The following SGCD variants were observed in gnomAD, a reference collection of about 807,000 sequenced individuals.
SGCD encodes sarcoglycan delta.
A neutral mutation model predicts 36.6 loss-of-function variants in SGCD; 18 were observed. The ratio of observed to expected loss-of-function variants is 0.49; its 90% CI spans 0.34 to 0.73. The LOEUF (loss-of-function observed/expected upper bound fraction) is 0.73, where lower values mean the gene tolerates loss of function less well. SGCD is among the 30% of genes least tolerant of loss of function. SGCD has a pLI of 0.01. For missense variants in SGCD, 387 were observed against 346.7 expected (o/e 1.12, Z -0.92); for synonymous variants, 133 against 130.6 (o/e 1.02, Z -0.12).
chr5:155,819,481 C>A, the SGCD span, among the ~76,000 whole-genome samples: 6 of 152,132 alleles, frequency 3.9e-5, no homozygotes, highest in African/African-American at 7.2e-5. Context: ...GTAATAATAA[C>A]AAAAACCACT....
chr5:156,004,821 C>A (rs1345122828), intron 1 of SGCD, among the ~76,000 whole-genome samples: 2 of 152,216 alleles, frequency 1.3e-5, no homozygotes, highest in East Asian at 1.9e-4. Flanking sequence ...TCTAGCCAAA[C>A]TGAATTAATC....
chr5:156,670,872 G>A (rs557337333), intron 7 of SGCD, among the ~76,000 whole-genome samples: 1 of 152,218 alleles, frequency 6.6e-6, no homozygotes, highest in African/African-American at 2.4e-5. Context: ...CTAACTTGAA[G>A]GTAAAATTTC....
intron 6 of SGCD, among the ~76,000 whole-genome samples, chr5:156,608,368 T>G (rs1486068863): frequency 1.3e-5 from 2 of 152,238 alleles, no homozygotes; most frequent in Admixed American, 1.3e-4. Context: ...GTGCGTTTCT[T>G]AATCCTGAGT....
chr5:156,677,572 A>G (rs1753563397), intron 7 of SGCD, among the ~76,000 whole-genome samples: 1 of 152,118 alleles, frequency 6.6e-6, no homozygotes. Context: ...TAGCATTAGG[A>G]GGACTACCTA....
chr5:155,978,166 T>C (rs1758158546), intron 1 of SGCD, among the ~76,000 whole-genome samples: 1 of 152,216 alleles, frequency 6.6e-6, no homozygotes, highest in South Asian at 2.1e-4. Flanking sequence ...GACCAGAATG[T>C]GGCATAGCCC....
intron 4 of SGCD, among the ~76,000 whole-genome samples, chr5:156,528,688 G>T (rs1354010322): frequency 6.6e-6 from 1 of 152,188 alleles, no homozygotes; most frequent in African/African-American, 2.4e-5. Context: ...CTAAGAGAGG[G>T]CTAAAGGTAA....
At chr5:156,499,092 G>A (rs1186351983) in intron 3 of SGCD, among the ~76,000 whole-genome samples, 1 of 152,100 alleles carries the variant, frequency 6.6e-6, no homozygotes, top group Non-Finnish European at 1.5e-5. Context: ...AGTGTAGCAT[G>A]GCATGTGATG....
intron 3 of SGCD, among the ~76,000 whole-genome samples, chr5:156,269,105 AG>A (rs1237340984): frequency 2.0e-5 from 3 of 152,048 alleles, no homozygotes; most frequent in African/African-American, 7.2e-5. Context: ...GGGAGGTAAA[AG>A]GCACTTCTTA....
chr5:156,144,837 T>C (rs186802029), intron 3 of SGCD, among the ~76,000 whole-genome samples: 4 of 152,226 alleles, frequency 2.6e-5, no homozygotes, highest in Non-Finnish European at 4.4e-5. Context: ...GTACCCTCAC[T>C]GTATCTTGGA....
rs544132920 is a variant in SGCD at position 155,885,771 on chromosome 5, CACCATAAATCTTCAA to C, written c.-282+15353_-282+15367del. Among the ~76,000 whole-genome samples, 635 of 152,330 alleles carry C rather than the reference CACCATAAATCTTCAA, an allele frequency of 4.2e-3. 3 individuals carry two copies. The highest frequency in any genetic ancestry group is 0.015 in the African/African-American group (606 of 41,572). ...CATCTCAATTATCCATCACAAATAA[CACCATAAATCTTCAA>C]ACCATGTATTCCAAACATGAATACA... is the stretch of plus-strand genomic sequence containing the variant. On this transcript the variant is annotated intron_variant, in intron 1 of 9. Transcript: ENST00000517913.
chr5:155,804,892 G>A, the SGCD span, among the ~76,000 whole-genome samples: 39 of 152,234 alleles, frequency 2.6e-4, no homozygotes, highest in African/African-American at 8.9e-4. Flanking sequence ...TTGAACATAG[G>A]TGTTGCCTGT....
intron 1 of SGCD, among the ~76,000 whole-genome samples, chr5:155,993,279 G>A (rs2127565370): frequency 6.6e-6 from 1 of 151,162 alleles, no homozygotes; most frequent in Non-Finnish European, 1.5e-5. Context: ...CTTCCTTCAT[G>A]ACAGTCATTC....
the SGCD span, among the ~76,000 whole-genome samples, chr5:155,837,865 C>T: frequency 1.3e-5 from 2 of 152,294 alleles, no homozygotes; most frequent in East Asian, 3.9e-4. Flanking sequence ...AGCTTTCATT[C>T]CGATTGCATT....
chr5:156,161,343 T>C (rs529474102), intron 3 of SGCD, among the ~76,000 whole-genome samples: 1 of 151,896 alleles, frequency 6.6e-6, no homozygotes, highest in African/African-American at 2.4e-5. Context: ...CAGAGAAAAT[T>C]CTCATTGACA....
intron 7 of SGCD, among the ~76,000 whole-genome samples, chr5:156,648,741 T>G (rs994858758): frequency 6.6e-6 from 1 of 152,190 alleles, no homozygotes; most frequent in Non-Finnish European, 1.5e-5. Context: ...CTTACCTGAT[T>G]TTCTGTTAGC....
intron 1 of SGCD, among the ~76,000 whole-genome samples, chr5:155,919,209 C>A (rs553530708): frequency 5.4e-4 from 83 of 152,358 alleles, no homozygotes; most frequent in African/African-American, 1.9e-3. Flanking sequence ...CCAATCTTTT[C>A]TTCTTATAGA....
At chr5:155,967,400 T>C (rs910031478) in intron 1 of SGCD, among the ~76,000 whole-genome samples, 10 of 152,040 alleles carry the variant, frequency 6.6e-5, no homozygotes, top group African/African-American at 2.2e-4. Flanking sequence ...ATTCTTCCAG[T>C]CTTAAATTGC....
intron 3 of SGCD, among the ~76,000 whole-genome samples, chr5:156,276,065 G>T (rs148364213): frequency 6.6e-6 from 1 of 152,210 alleles, no homozygotes; most frequent in African/African-American, 2.4e-5. Flanking sequence ...GGTTCTGTAG[G>T]TACAGGAAGT....
intron 3 of SGCD, among the ~76,000 whole-genome samples, chr5:156,492,330 G>T (rs1369998740): frequency 6.6e-6 from 1 of 152,112 alleles, no homozygotes; most frequent in Non-Finnish European, 1.5e-5. Context: ...ATTGGCTCAT[G>T]TGGTTAGGGA....
Sources: allele counts gnomAD v4.1 joint callset (sites outside exome capture counted in the v4.1 genomes callset), GRCh38; gene constraint gnomAD v4.1.1; transcripts MANE v1.5; gene names NCBI Gene and HGNC (gene_info 2026-07-23, HGNC 2026-07-21).